The following GLI2 variants were observed in gnomAD, a reference collection of about 807,000 sequenced individuals.
GLI2 encodes GLI family zinc finger 2.
A neutral mutation model predicts 78.9 loss-of-function variants in GLI2; 22 were observed. The observed-to-expected ratio is 0.28, with a 90% CI of 0.20 to 0.40. The LOEUF (loss-of-function observed/expected upper bound fraction) is 0.40, where lower values mean the gene tolerates loss of function less well. Among genes scored for constraint, GLI2 ranks in the 10% least tolerant of loss-of-function variants. The probability of loss-of-function intolerance (pLI) is 1.00; values close to 1 mark genes in which losing one functional copy is unlikely to be tolerated. For synonymous variants in GLI2, 974 were observed against 963.7 expected (o/e 1.01, Z -0.20); for missense variants, 2,097 against 2,213.2 (o/e 0.95, Z 1.05).
chr2:120,970,932 CTG>C (rs1185917915), intron 7 of GLI2, among the ~76,000 whole-genome samples: 2 of 152,222 alleles, frequency 1.3e-5, no homozygotes, highest in South Asian at 2.1e-4. Context: ...CATTATAAGA[CTG>C]TGCAGTTTCG....
At chr2:120,815,046 C>T (rs1685430142) in intron 2 of GLI2, among the ~76,000 whole-genome samples, 1 of 152,134 alleles carries the variant, frequency 6.6e-6, no homozygotes, top group Non-Finnish European at 1.5e-5. Flanking sequence ...ATGGTTCTCC[C>T]AGCTAAGCCT....
At position 120,933,508 on chromosome 2, in the gene GLI2, G is replaced by A. The variant is rs374824609; in HGVS notation, c.254+6042G>A. On this transcript the variant is annotated intron_variant, in intron 3 of 13. Coordinates refer to ENST00000361492, the MANE Select transcript of GLI2 (RefSeq NM_001374353.1). ...TGTACAAGGGCGAGAAGAGAAGGCC[G>A]GCTGTGAATAGGGCCACACACCCCC... is the stretch of plus-strand genomic sequence containing the variant. 5.6e-4 allele frequency among the ~76,000 whole-genome samples: 85 copies of A among 152,264 alleles called. 1 individual carries two copies. In the South Asian group the frequency reaches 0.014, roughly 26 times the overall value.
intron 2 of GLI2, among the ~76,000 whole-genome samples, chr2:120,907,357 G>T (rs905451592): frequency 6.6e-6 from 1 of 152,128 alleles, no homozygotes; most frequent in African/African-American, 2.4e-5. Flanking sequence ...CTGGAGGTCC[G>T]TAAACCAGAG....
intron 1 of GLI2, among the ~76,000 whole-genome samples, chr2:120,760,717 T>A (rs1428233973): frequency 2.0e-5 from 3 of 152,206 alleles, no homozygotes; most frequent in Non-Finnish European, 4.4e-5. Context: ...TCAGGCCTCG[T>A]CTCTGTCTCT....
intron 11 of GLI2, 98 bp downstream of exon 11, chr2:120,982,978 C>T: frequency 1.7e-6 from 2 of 1,152,426 alleles, no homozygotes; most frequent in South Asian, 1.4e-5. Context: ...CCAGGTGCCC[C>T]ATGTCCCGCC....
At chr2:120,802,036 C>A (rs1194638976) in intron 2 of GLI2, among the ~76,000 whole-genome samples, 3 of 152,228 alleles carry the variant, frequency 2.0e-5, no homozygotes, top group African/African-American at 7.2e-5. Context: ...TGTCTTCATG[C>A]CTCAGTTCCC....
At chr2:120,943,033 C>A (rs1362765728) in intron 3 of GLI2, among the ~76,000 whole-genome samples, 1 of 152,216 alleles carries the variant, frequency 6.6e-6, no homozygotes, top group Non-Finnish European at 1.5e-5. Context: ...GCTGTATGTC[C>A]CTGGCATGTG....
intron 3 of GLI2, among the ~76,000 whole-genome samples, chr2:120,938,767 C>T (rs1335382393): frequency 1.3e-5 from 2 of 152,112 alleles, no homozygotes; most frequent in Non-Finnish European, 2.9e-5. Context: ...CAAGAGGGCC[C>T]ATGGAGTGAT....
intron 2 of GLI2, among the ~76,000 whole-genome samples, chr2:120,855,933 T>C (rs1687622993): frequency 6.6e-6 from 1 of 152,294 alleles, no homozygotes; most frequent in African/African-American, 2.4e-5. Flanking sequence ...GGAAAATCAG[T>C]TACCCTATTT....
In GLI2 at chr2:120,901,467, G is replaced by A. The variant is rs115455094; in HGVS notation, c.149-25894G>A. Among the ~76,000 whole-genome samples, 274 of 152,286 alleles carry A rather than the reference G, an allele frequency of 1.8e-3. 1 individual carries two copies. Among genetic ancestry groups the A allele is most frequent in the African/African-American group, 5.4e-3 (225 of 41,558 alleles). On this transcript the variant is annotated intron_variant, in intron 2 of 13. Transcript: ENST00000361492. ...GACTTGAGGCCTCTGGTGGAGAGGCGGCTTCCGCTGGGCCGGTGCTGCTCC... is the reference window on the plus strand; with the variant it reads ...GACTTGAGGCCTCTGGTGGAGAGGCAGCTTCCGCTGGGCCGGTGCTGCTCC...
intron 10 of GLI2, among the ~76,000 whole-genome samples, chr2:120,981,672 G>A (rs551439000): frequency 2.6e-5 from 4 of 152,162 alleles, no homozygotes; most frequent in African/African-American, 2.4e-5. Flanking sequence ...AGCTCCTGCC[G>A]GGTGTACGTG....
chr2:120,910,926 T>G (rs1678784855), intron 2 of GLI2, among the ~76,000 whole-genome samples: 1 of 152,180 alleles, frequency 6.6e-6, no homozygotes, highest in South Asian at 2.1e-4. Context: ...AGGCTGGCCT[T>G]GTGTTTCCTG....
intron 1 of GLI2, among the ~76,000 whole-genome samples, chr2:120,736,983 C>T (rs1306735540): frequency 1.3e-5 from 2 of 152,018 alleles, no homozygotes; most frequent in Non-Finnish European, 2.9e-5. Context: ...CTCCGGTTCC[C>T]CCTTCCACCT....
intron 1 of GLI2, among the ~76,000 whole-genome samples, chr2:120,794,890 C>T (rs771534453): frequency 1.3e-5 from 2 of 152,124 alleles, no homozygotes; most frequent in African/African-American, 2.4e-5. Flanking sequence ...CCCCATCTGC[C>T]TGACTTTCTT....
In GLI2 at chr2:120,753,649, A is replaced by G. The variant is rs1374008650; in HGVS notation, c.-31+17364A>G. On this transcript the variant is annotated intron_variant, in intron 1 of 13. Transcript: ENST00000361492. ...CGCGGTGGCTCAAGCCTGTAATCCC[A>G]GCACTTTGGAAGGCCGAGGCGGGCG... Among the ~76,000 whole-genome samples the G allele has an allele frequency of 9.9e-5, 15 of 152,258 alleles. No homozygotes were observed. In the East Asian group the frequency reaches 2.5e-3, roughly 26 times the overall value.
rs1684620127 is a variant in GLI2 at position 120,800,030 on chromosome 2, G to C, written c.148+2562G>C. 6.6e-6 allele frequency among the ~76,000 whole-genome samples: 1 copy of C among 152,174 alleles called. No individual in the cohort carries two copies. The highest frequency in any genetic ancestry group is 1.5e-5 in the Non-Finnish European group (1 of 68,026). ...GGGACTGGAATGGTGTAGGAGAAAG[G>C]GTGGCATTGGTGAAGGAGGAAGTCT... On this transcript the variant is annotated intron_variant, in intron 2 of 13. Transcript: ENST00000361492. The surrounding 1 kb of genome is among the most constrained non-coding windows in gnomAD (Gnocchi z 4.1).
At position 120,986,545 on chromosome 2, in the gene GLI2, G is replaced by A. The variant is rs1473144103; in HGVS notation, c.2173G>A (p.Asp725Asn). Residue 725 changes from aspartate to asparagine, a missense_variant, in exon 13 of 14, where the codon GAT becomes AAT. Asp to Asn is a conservative substitution (Grantham distance 23, BLOSUM62 1). Around this residue, in one of 5 missense-constraint regions of GLI2, gnomAD observed 1,290 missense variants for 1,261.7 expected, o/e 1.02. Coordinates refer to ENST00000361492, the MANE Select transcript of GLI2 (RefSeq NM_001374353.1). ...GAAGGAGAAGCTCAAGTCACTCAAG[G>A]ATTCCTGCTCATGGGCCGGGCCGAC... ...LKKEKLKSLK[D>N]SCSWAGPTPH... 1 of 1,614,148 alleles carries A rather than the reference G, an allele frequency of 6.2e-7. No homozygotes were observed. The highest frequency in any genetic ancestry group is 1.3e-5 in the African/African-American group (1 of 75,052).
At chr2:120,853,725 G>A (rs893922148) in intron 2 of GLI2, among the ~76,000 whole-genome samples, 1 of 152,194 alleles carries the variant, frequency 6.6e-6, no homozygotes, top group Admixed American at 6.5e-5. Flanking sequence ...TGTATGACAT[G>A]TGTTGAGCCT....
intron 5 of GLI2, among the ~76,000 whole-genome samples, chr2:120,959,349 A>G (rs1286131702): frequency 6.6e-6 from 1 of 151,964 alleles, no homozygotes; most frequent in African/African-American, 2.4e-5. Flanking sequence ...CAGCTCCAGT[A>G]TGGGGTGGGG....
Sources: gnomAD v4.1 joint callset for allele counts (sites outside exome capture counted in the v4.1 genomes callset) on GRCh38, gnomAD v4.1.1 for gene constraint, gnomAD v4.1.1 regional missense constraint, Gnocchi (gnomAD v3.1) non-coding constraint, MANE v1.5 for transcripts, NCBI Gene and HGNC (gene_info 2026-07-23, HGNC 2026-07-21) for gene names.